CLASP2: variants seen among roughly 807,000 people sequenced by gnomAD.
CLASP2 encodes the protein cytoplasmic linker associated protein 2, also known as CLIP-associating protein 2.
A neutral mutation model predicts 194.4 loss-of-function variants in CLASP2; 47 were observed. The observed-to-expected ratio is 0.24, with a 90% CI of 0.19 to 0.31. The LOEUF (loss-of-function observed/expected upper bound fraction) is 0.31. CLASP2 is among the 10% of genes least tolerant of loss of function. The pLI is 1.00. For missense variants in CLASP2, 1,445 were observed against 1,823.6 expected (o/e 0.79, Z 3.78); for synonymous variants, 619 against 633.5 (o/e 0.98, Z 0.34).
chr3:33,504,613 TC>T (rs2047640490), intron 37 of CLASP2: 1 of 152,154 alleles, frequency 6.6e-6, no homozygotes. Context: ...AAGACGGTGG[TC>T]CCCAGCCTTT....
intron 6 of CLASP2, among the ~76,000 whole-genome samples, chr3:33,683,982 G>C (rs1215874598): frequency 6.7e-6 from 1 of 148,808 alleles, no homozygotes; most frequent in East Asian, 2.0e-4. Context: ...AGTGACTCAT[G>C]CCTGTAATCC....
intron 20 of CLASP2, 35 bp downstream of exon 20, chr3:33,594,916 G>A: frequency 1.6e-6 from 2 of 1,214,748 alleles, no homozygotes; most frequent in East Asian, 2.7e-5. Flanking sequence ...TAATGTAGAT[G>A]TATTTGTGTT....
intron 29 of CLASP2, among the ~76,000 whole-genome samples, chr3:33,552,020 G>A (rs2060084309): frequency 6.7e-6 from 1 of 149,928 alleles, no homozygotes; most frequent in African/African-American, 2.5e-5. Flanking sequence ...TGTTAGAAAT[G>A]CCTCCCAAAA....
rs149515461 is a variant in CLASP2 at position 33,618,591 on chromosome 3, G to T, written c.1317+1012C>A. Among the ~76,000 whole-genome samples the T allele has an allele frequency of 5.1e-3, 782 of 152,216 alleles. 10 individuals carry two copies. The highest frequency in any genetic ancestry group is 0.016 in the African/African-American group (682 of 41,538). ...GAACCCGGGCGGCAGAGGTTGCAGT[G>T]AGCTGAGATCGTACCACTGCACTCC... is the stretch of plus-strand genomic sequence containing the variant. On this transcript the variant is annotated intron_variant, in intron 12 of 38. Coordinates refer to ENST00000682230, the MANE Select transcript of CLASP2 (RefSeq NM_001365631.1).
At chr3:33,654,758 C>T (rs2083852874) in intron 7 of CLASP2, among the ~76,000 whole-genome samples, 2 of 152,070 alleles carry the variant, frequency 1.3e-5, no homozygotes. Flanking sequence ...TTAATATTCA[C>T]ATGCAGATGC....
At chr3:33,602,910 G>C (rs905214301) in intron 18 of CLASP2, 42 bp downstream of exon 18, 6 of 1,556,494 alleles carry the variant, frequency 3.9e-6, no homozygotes, top group African/African-American at 2.7e-5. Context: ...ACAGAGATCA[G>C]GGAGAGAACA....
chr3:33,498,575 A>C lies in CLASP2; in HGVS notation c.*56T>G, dbSNP rs2046089414. 5.7e-6 allele frequency: 6 copies of C among 1,054,512 alleles called. No individual in the cohort carries two copies. In the South Asian group the frequency reaches 8.2e-5, roughly 14 times the overall value. The allele number at this position is 1,054,512 out of a possible 1,614,324, so 65.3% of individuals were successfully genotyped here. ...GTTTGAGAACTTCCTTTCATTGATGAGGGTGGTCTATCTGTCCTTTCTTTT... is the reference window on the plus strand; with the variant it reads ...GTTTGAGAACTTCCTTTCATTGATGCGGGTGGTCTATCTGTCCTTTCTTTT... On this transcript the variant is annotated 3_prime_UTR_variant, in exon 39 of 39. Transcript: ENST00000682230.
Position 33,608,552 on chromosome 3 carries a change from A to G in CLASP2, c.1448+15T>C. The G allele has an allele frequency of 6.2e-7, 1 of 1,600,222 alleles. No homozygotes were observed. The highest frequency in any genetic ancestry group is 8.5e-7 in the Non-Finnish European group (1 of 1,169,920). On this transcript the variant is annotated intron_variant, in intron 14 of 38. Coordinates refer to ENST00000682230, the MANE Select transcript of CLASP2 (RefSeq NM_001365631.1). Reference sequence around the variant, plus strand: ...ATGGGGAGGAAAGTGGGAGGAAGGAAGAGGGAATGCATACCTTTCCAATGA... The same window carrying G: ...ATGGGGAGGAAAGTGGGAGGAAGGAGGAGGGAATGCATACCTTTCCAATGA...
intron 18 of CLASP2, among the ~76,000 whole-genome samples, chr3:33,600,419 T>C (rs2071757283): frequency 6.6e-6 from 1 of 152,216 alleles, no homozygotes; most frequent in African/African-American, 2.4e-5. Context: ...ATGTTTATTA[T>C]GAAAGGGTGT....
chr3:33,717,292 G>A (rs565886391), intron 1 of CLASP2, among the ~76,000 whole-genome samples: 14 of 152,168 alleles, frequency 9.2e-5, no homozygotes, highest in Non-Finnish European at 1.6e-4. Flanking sequence ...ACTCCGCAAC[G>A]TGTCACGGAA....
intron 27 of CLASP2, among the ~76,000 whole-genome samples, chr3:33,565,456 C>T (rs1392639824): frequency 6.6e-6 from 1 of 151,954 alleles, no homozygotes; most frequent in Non-Finnish European, 1.5e-5. Context: ...GCTGAGATTA[C>T]AGACATGAGC....
At chr3:33,698,611 TC>T (rs2092142320) in intron 1 of CLASP2, among the ~76,000 whole-genome samples, 1 of 152,132 alleles carries the variant, frequency 6.6e-6, no homozygotes, top group South Asian at 2.1e-4. Context: ...GGAAAACCCT[TC>T]ATAAAATTAA....
intron 20 of CLASP2, among the ~76,000 whole-genome samples, chr3:33,593,277 A>G (rs976001178): frequency 6.6e-6 from 1 of 152,170 alleles, no homozygotes; most frequent in Admixed American, 6.5e-5. Flanking sequence ...ATAAGTGAGG[A>G]CAGAATATAT....
intron 34 of CLASP2, among the ~76,000 whole-genome samples, chr3:33,518,406 A>T (rs533760839): frequency 6.6e-6 from 1 of 152,356 alleles, no homozygotes; most frequent in South Asian, 2.1e-4. Context: ...TTTTATGATC[A>T]AATACACTAT....
chr3:33,621,900 C>A (rs2077174019), intron 11 of CLASP2, among the ~76,000 whole-genome samples: 2 of 151,996 alleles, frequency 1.3e-5, no homozygotes, highest in East Asian at 3.8e-4. Flanking sequence ...AAAAAATCCA[C>A]CAGTAGGCTT....
chr3:33,608,112 C>T (rs1280493645), intron 14 of CLASP2, among the ~76,000 whole-genome samples: 2 of 152,188 alleles, frequency 1.3e-5, no homozygotes, highest in African/African-American at 4.8e-5. Flanking sequence ...CTCAGAGTTA[C>T]ACTAGACATT....
chr3:33,690,005 T>C, intron 2 of CLASP2, 73 bp from the exon 3 acceptor site: 6 of 960,408 alleles, frequency 6.2e-6, no homozygotes, highest in Non-Finnish European at 8.8e-6. Flanking sequence ...TTTTCAAAAT[T>C]ACAAATAGCA....
chr3:33,610,868 T>C (rs553022786), intron 13 of CLASP2, among the ~76,000 whole-genome samples: 127 of 152,378 alleles, frequency 8.3e-4, no homozygotes, highest in Non-Finnish European at 1.6e-3. Flanking sequence ...CAATGTCTTA[T>C]TCAGCTTCTT....
At chr3:33,628,907 T>C (rs1224821825) in intron 9 of CLASP2, among the ~76,000 whole-genome samples, 1 of 151,632 alleles carries the variant, frequency 6.6e-6, no homozygotes, top group Non-Finnish European at 1.5e-5. Flanking sequence ...TGGACAAAGA[T>C]GTAGGGGGAA....
Sources: gnomAD v4.1 joint callset for allele counts (sites outside exome capture counted in the v4.1 genomes callset) on GRCh38, gnomAD v4.1.1 for gene constraint, MANE v1.5 for transcripts, NCBI Gene and HGNC (gene_info 2026-07-23, HGNC 2026-07-21) for gene names.